The following FSTL4 variants were observed in gnomAD, a reference collection of about 807,000 sequenced individuals.
FSTL4 encodes follistatin like 4, also known as follistatin-related protein 4.
A neutral mutation model predicts 78.2 loss-of-function variants in FSTL4; 28 were observed. The observed-to-expected ratio is 0.36, with a 90% CI of 0.27 to 0.49. The LOEUF (loss-of-function observed/expected upper bound fraction) is 0.49, where lower values mean the gene tolerates loss of function less well. FSTL4 is among the 20% of genes least tolerant of loss of function. FSTL4 has a pLI of 0.98. For missense variants in FSTL4, 922 were observed against 1,084.9 expected (o/e 0.85, Z 2.11); for synonymous variants, 422 against 440.5 (o/e 0.96, Z 0.53).
chr5:133,322,293 C>A (rs7722391), intron 4 of FSTL4, among the ~76,000 whole-genome samples: 123 of 42,734 alleles, frequency 2.9e-3, no homozygotes, highest in Non-Finnish European at 7.2e-3. Flanking sequence ...ACACACACAC[C>A]CCCACACACA....
chr5:133,283,376 C>T (rs1043445296), intron 6 of FSTL4, among the ~76,000 whole-genome samples: 4 of 152,120 alleles, frequency 2.6e-5, no homozygotes, highest in Admixed American at 2.0e-4. Flanking sequence ...GTGACCTGGG[C>T]CCTGTCTTGG....
the FSTL4 span, among the ~76,000 whole-genome samples, chr5:133,788,648 C>T: frequency 1.3e-5 from 2 of 152,242 alleles, no homozygotes; most frequent in East Asian, 3.8e-4. Context: ...CACAACACCT[C>T]CGTCAATCTC....
chr5:133,488,505 C>T (rs766878085), intron 3 of FSTL4, among the ~76,000 whole-genome samples: 26 of 152,174 alleles, frequency 1.7e-4, no homozygotes, highest in Non-Finnish European at 2.5e-4. Context: ...CTGCCCACCG[C>T]GGCCTCCCAA....
chr5:133,311,466 G>A (rs553094761), intron 6 of FSTL4, among the ~76,000 whole-genome samples: 1 of 152,130 alleles, frequency 6.6e-6, no homozygotes, highest in African/African-American at 2.4e-5. Flanking sequence ...CAAGCTCATG[G>A]ACACTGCCCA....
chr5:133,724,461 A>G, the FSTL4 span, among the ~76,000 whole-genome samples: 1 of 113,956 alleles, frequency 8.8e-6, no homozygotes, highest in African/African-American at 3.4e-5. Flanking sequence ...TGGTTGAAAT[A>G]TAGGTGTTTA....
At chr5:133,391,202 A>G (rs1295127637) in intron 4 of FSTL4, among the ~76,000 whole-genome samples, 1 of 152,196 alleles carries the variant, frequency 6.6e-6, no homozygotes, top group East Asian at 1.9e-4. Flanking sequence ...CAGAGATTCA[A>G]TACATGGTGT....
chr5:133,219,492 G>A (rs1040685697), intron 12 of FSTL4, among the ~76,000 whole-genome samples: 13 of 152,132 alleles, frequency 8.5e-5, no homozygotes, highest in African/African-American at 3.1e-4. Flanking sequence ...GTGACATCAC[G>A]CTGCCTCCTT....
chr5:133,727,457 C>T, the FSTL4 span, among the ~76,000 whole-genome samples: 1 of 152,224 alleles, frequency 6.6e-6, no homozygotes, highest in Non-Finnish European at 1.5e-5. Flanking sequence ...TTCCACCCAT[C>T]TTCCCACTGG....
chr5:133,582,267 A>G (rs1307807141), intron 2 of FSTL4, among the ~76,000 whole-genome samples: 1 of 152,160 alleles, frequency 6.6e-6, no homozygotes, highest in Non-Finnish European at 1.5e-5. Context: ...ACGAGACACA[A>G]AGGGGCTCAC....
At chr5:133,736,677 A>C in the FSTL4 span, among the ~76,000 whole-genome samples, 3 of 152,146 alleles carry the variant, frequency 2.0e-5, no homozygotes, top group Non-Finnish European at 4.4e-5. Flanking sequence ...GGGAGCAGAC[A>C]TGAGACAAGC....
intron 4 of FSTL4, among the ~76,000 whole-genome samples, chr5:133,358,591 CTTTTTTTTTT>C (rs1173835923): frequency 1.7e-5 from 2 of 115,430 alleles, no homozygotes; most frequent in African/African-American, 6.7e-5. Flanking sequence ...GGTTCTATTT[CTTTTTTTTTT>C]TTTTTTTTTT....
At chr5:133,251,284 A>G (rs541801919) in intron 6 of FSTL4, among the ~76,000 whole-genome samples, 5 of 152,240 alleles carry the variant, frequency 3.3e-5, no homozygotes, top group African/African-American at 1.2e-4. Context: ...ATTCTCCCCA[A>G]GAGTAGAGGA....
intron 3 of FSTL4, among the ~76,000 whole-genome samples, chr5:133,512,058 C>T (rs1289616167): frequency 2.0e-5 from 3 of 152,254 alleles, no homozygotes; most frequent in African/African-American, 7.2e-5. Flanking sequence ...ACAGTACCCT[C>T]CTTCTACATC....
intron 3 of FSTL4, among the ~76,000 whole-genome samples, chr5:133,409,725 G>C (rs914261276): frequency 1.3e-5 from 2 of 152,244 alleles, no homozygotes; most frequent in Non-Finnish European, 2.9e-5. Flanking sequence ...GTGGAGGACT[G>C]AATCTGATGA....
At chr5:133,216,542 G>T (rs1309592069) in intron 13 of FSTL4, among the ~76,000 whole-genome samples, 1 of 152,148 alleles carries the variant, frequency 6.6e-6, no homozygotes, top group East Asian at 1.9e-4. Flanking sequence ...GTAGAGACGG[G>T]GTTTCACCAC....
the FSTL4 span, among the ~76,000 whole-genome samples, chr5:133,632,850 C>T: frequency 2.0e-5 from 3 of 152,028 alleles, no homozygotes; most frequent in Non-Finnish European, 2.9e-5. Flanking sequence ...CCACACTCAG[C>T]TAATTTTTTT....
At chr5:133,655,520 A>AT in the FSTL4 span, among the ~76,000 whole-genome samples, 1 of 152,200 alleles carries the variant, frequency 6.6e-6, no homozygotes, top group Non-Finnish European at 1.5e-5. Flanking sequence ...ATTAAGAGTC[A>AT]TTTACTAAAC....
chr5:133,625,653 T>C, the FSTL4 span, among the ~76,000 whole-genome samples: 30 of 144,302 alleles, frequency 2.1e-4, no homozygotes, highest in African/African-American at 7.4e-4. Flanking sequence ...TAGTTCTGCT[T>C]GCTTTGGGTC....
At chr5:133,403,439 G>T (rs1756283647) in intron 3 of FSTL4, among the ~76,000 whole-genome samples, 1 of 152,196 alleles carries the variant, frequency 6.6e-6, no homozygotes, top group Admixed American at 6.5e-5. Flanking sequence ...TGCCTGCCCT[G>T]CTCTGGCCTC....
Sources: allele counts gnomAD v4.1 joint callset (sites outside exome capture counted in the v4.1 genomes callset), GRCh38; gene constraint gnomAD v4.1.1; transcripts MANE v1.5; gene names NCBI Gene and HGNC (gene_info 2026-07-23, HGNC 2026-07-21).